ASAP1: variants seen among roughly 807,000 people sequenced by gnomAD.
ASAP1 encodes ArfGAP with SH3 domain, ankyrin repeat and PH domain 1.
ASAP1 carries 43 observed loss-of-function variants against 145.2 expected under a neutral mutation model. The observed-to-expected ratio is 0.30, with a 90% CI of 0.23 to 0.38. ASAP1 has a LOEUF of 0.38. Ranked by LOEUF, ASAP1 falls within the 10% of genes least tolerant of loss-of-function variation. The pLI, the probability that ASAP1 is intolerant of heterozygous loss-of-function variation, is 1.00. For missense variants in ASAP1, 1,018 were observed against 1,355.3 expected, an observed-to-expected ratio of 0.75 and a Z score of 3.91; for synonymous variants, 546 against 515.5, an observed-to-expected ratio of 1.06 and a Z score of -0.80.
intron 3 of ASAP1, among the ~76,000 whole-genome samples, chr8:130,306,000 T>C (rs1012366336): frequency 2.6e-5 from 4 of 152,194 alleles, no homozygotes; most frequent in Admixed American, 6.5e-5. Flanking sequence ...AGTTCCAACA[T>C]CATCAGGGCA....
At chr8:130,183,240 T>C (rs1814490341) in intron 7 of ASAP1, among the ~76,000 whole-genome samples, 2 of 150,150 alleles carry the variant, frequency 1.3e-5, no homozygotes, top group Non-Finnish European at 3.0e-5. Flanking sequence ...TACAAATAAA[T>C]GGGAATCAGA....
At chr8:130,337,129 A>G (rs951069034) in intron 3 of ASAP1, among the ~76,000 whole-genome samples, 3 of 152,234 alleles carry the variant, frequency 2.0e-5, no homozygotes, top group Admixed American at 6.5e-5. Flanking sequence ...CTTGGGCATC[A>G]ACAGCAAGAA....
At chr8:130,357,866 C>G (rs573584827) in intron 3 of ASAP1, 151 bp downstream of exon 3, 15 of 1,077,170 alleles carry the variant, frequency 1.4e-5, no homozygotes, top group Non-Finnish European at 2.0e-5. Context: ...AGGCGCCGCC[C>G]GTCCGAAGTC....
intron 11 of ASAP1, among the ~76,000 whole-genome samples, chr8:130,164,312 C>T (rs1210593141): frequency 1.3e-5 from 2 of 152,202 alleles, no homozygotes; most frequent in African/African-American, 4.8e-5. Context: ...AGGCCAGGCG[C>T]AGTAGCTCAT....
At chr8:130,128,903 C>T (rs980860898) in intron 15 of ASAP1, among the ~76,000 whole-genome samples, 2 of 152,096 alleles carry the variant, frequency 1.3e-5, no homozygotes, top group Non-Finnish European at 2.9e-5. Flanking sequence ...ACAAAAAAAC[C>T]TATTATATGA....
intron 2 of ASAP1, among the ~76,000 whole-genome samples, chr8:130,393,218 A>G (rs1049991836): frequency 1.9e-4 from 29 of 152,184 alleles, no homozygotes; most frequent in African/African-American, 7.0e-4. Context: ...ATCTTTGTGC[A>G]AGGGCTGTTT....
intron 3 of ASAP1, among the ~76,000 whole-genome samples, chr8:130,310,696 A>G (rs2137535913): frequency 6.6e-6 from 1 of 152,324 alleles, no homozygotes; most frequent in South Asian, 2.1e-4. Context: ...AAAAAAAAAA[A>G]AAGTCTGAAA....
intron 3 of ASAP1, among the ~76,000 whole-genome samples, chr8:130,356,715 T>C (rs1283685693): frequency 6.6e-6 from 1 of 152,158 alleles, no homozygotes; most frequent in South Asian, 2.1e-4. Context: ...GCAGGCCAGA[T>C]GGGACCCAGC....
intron 4 of ASAP1, among the ~76,000 whole-genome samples, chr8:130,216,868 T>C (rs1816959786): frequency 1.3e-5 from 2 of 152,226 alleles, no homozygotes; most frequent in South Asian, 4.1e-4. Context: ...TCTGTGGCAA[T>C]GGCAAATACA....
At chr8:130,121,232 G>A (rs2097565300) in intron 18 of ASAP1, among the ~76,000 whole-genome samples, 1 of 152,130 alleles carries the variant, frequency 6.6e-6, no homozygotes, top group South Asian at 2.1e-4. Context: ...TAGGCACCCA[G>A]GCCCCGCCAC....
chr8:130,245,076 G>A (rs1341242963), intron 3 of ASAP1, among the ~76,000 whole-genome samples: 1 of 152,120 alleles, frequency 6.6e-6, no homozygotes, highest in Non-Finnish European at 1.5e-5. Context: ...AGAGGAAGAG[G>A]GACCTGGCAG....
Position 130,124,021 on chromosome 8 carries a change from T to C in ASAP1, c.1599A>G (p.Ser533=), listed in dbSNP as rs746200992. ...LPSPSPKPTP[S]SDMTVRKEYI... ...ATATCAGAAATACTTACATATCACT[T>C]GAAGGGGTGGGTTTTGGTGAGGGGC... The change falls in exon 18 of 30, where the codon TCA becomes TCG. Residue 533 remains serine, a synonymous_variant. Transcript: ENST00000518721. 3 of 1,605,598 alleles carry C rather than the reference T, an allele frequency of 1.9e-6. No individual in the cohort carries two copies. Among genetic ancestry groups the C allele is most frequent in the Non-Finnish European group, 1.7e-6 (2 of 1,174,866 alleles).
intron 5 of ASAP1, among the ~76,000 whole-genome samples, chr8:130,213,844 G>T (rs1347924495): frequency 6.6e-6 from 1 of 152,108 alleles, no homozygotes; most frequent in Admixed American, 6.5e-5. Flanking sequence ...TGTGCACATG[G>T]TATGAGGGCT....
intron 3 of ASAP1, among the ~76,000 whole-genome samples, chr8:130,239,999 C>T (rs552523225): frequency 1.8e-4 from 27 of 152,128 alleles, no homozygotes; most frequent in Non-Finnish European, 3.1e-4. Context: ...AATAACCTAT[C>T]GGTTATCTTT....
chr8:130,235,091 A>G (rs1818136115), intron 4 of ASAP1, among the ~76,000 whole-genome samples: 1 of 152,166 alleles, frequency 6.6e-6, no homozygotes, highest in Admixed American at 6.6e-5. Flanking sequence ...AGACTCCTGG[A>G]AGTTAAATAA....
chr8:130,087,761 C>T (rs1258740050), intron 25 of ASAP1, among the ~76,000 whole-genome samples: 2 of 152,138 alleles, frequency 1.3e-5, no homozygotes, highest in East Asian at 3.9e-4. Flanking sequence ...AAGCGATCAG[C>T]GTGAACCCAT....
intron 15 of ASAP1, among the ~76,000 whole-genome samples, chr8:130,134,067 G>C (rs1413706867): frequency 6.6e-6 from 1 of 152,178 alleles, no homozygotes; most frequent in Admixed American, 6.5e-5. Flanking sequence ...CCCCAGAGAG[G>C]GTGAGGCTTG....
In ASAP1 at chr8:130,116,884, A is replaced by G. The variant is rs747292674; in HGVS notation, c.1992T>C (p.Asp664=). ...AGACACTAGACACACTCTTACCTAT[A>G]TCCACAGTGGGCTTGCTCCTGAGCA... ...KLLLRSKPTV[D]IVNQAGETAL... The change falls in exon 21 of 30, where the codon GAT becomes GAC. Residue 664 remains aspartate, a synonymous_variant. Transcript: ENST00000518721. The G allele has an allele frequency of 6.2e-7, 1 of 1,612,382 alleles. No individual in the cohort carries two copies. Among genetic ancestry groups the G allele is most frequent in the South Asian group, 1.1e-5 (1 of 91,004 alleles).
intron 24 of ASAP1, among the ~76,000 whole-genome samples, chr8:130,107,379 G>T (rs1039578080): frequency 5.3e-5 from 8 of 151,508 alleles, no homozygotes; most frequent in African/African-American, 1.9e-4. Flanking sequence ...TAGAGACAGG[G>T]TTTTACCATG....
Sources: allele counts gnomAD v4.1 joint callset (sites outside exome capture counted in the v4.1 genomes callset), GRCh38; gene constraint gnomAD v4.1.1; transcripts MANE v1.5; gene names NCBI Gene and HGNC (gene_info 2026-07-23, HGNC 2026-07-21).